CCDC175: variants seen among roughly 807,000 people sequenced by gnomAD.
The protein encoded by CCDC175 is coiled-coil domain containing 175.
A neutral mutation model predicts 114.6 loss-of-function variants in CCDC175; 100 were observed. That is an observed-to-expected ratio of 0.87 (90% confidence interval 0.74 to 1.03). The LOEUF (loss-of-function observed/expected upper bound fraction) is 1.03. Among genes scored for constraint, CCDC175 ranks in the 50% least tolerant of loss-of-function variants. CCDC175 has a pLI of 0.00. For missense variants in CCDC175, 880 were observed against 917.8 expected (o/e 0.96, Z 0.53); for synonymous variants, 306 against 308.7 (o/e 0.99, Z 0.09).
rs553117304 is a variant in CCDC175 at position 59,544,404 on chromosome 14, A to G, written c.1172+759T>C. Among the ~76,000 whole-genome samples the G allele has an allele frequency of 1.4e-4, 22 of 152,270 alleles. 1 individual carries two copies. In the South Asian group the frequency reaches 4.3e-3, roughly 30 times the overall value. On this transcript the variant is annotated intron_variant, in intron 9 of 19. Transcript: ENST00000537690. Reference sequence around the variant, plus strand: ...TTGTCTCAAATTGCAGGAGAAAATAATGAGGCTCAGAGAAGTTTATAGTCT... The same window carrying G: ...TTGTCTCAAATTGCAGGAGAAAATAGTGAGGCTCAGAGAAGTTTATAGTCT...
chr14:59,556,725 T>A (rs556939279), intron 7 of CCDC175, among the ~76,000 whole-genome samples: 17 of 152,136 alleles, frequency 1.1e-4, no homozygotes, highest in Non-Finnish European at 2.4e-4. Flanking sequence ...GACAAAGGGC[T>A]ATCTAATATC....
intron 15 of CCDC175, 96 bp downstream of exon 15, chr14:59,526,999 T>G: frequency 1.6e-6 from 1 of 637,752 alleles, no homozygotes; most frequent in Non-Finnish European, 2.5e-6. Flanking sequence ...CAAATGTGGA[T>G]TTCATGAAAA....
At chr14:59,548,201 A>G (rs1895230500) in intron 8 of CCDC175, among the ~76,000 whole-genome samples, 1 of 152,244 alleles carries the variant, frequency 6.6e-6, no homozygotes, top group Admixed American at 6.5e-5. Flanking sequence ...TCAGGTACAG[A>G]AAAACAAATA....
At chr14:59,540,808 C>T in intron 10 of CCDC175, 62 bp from the exon 11 acceptor site, 1 of 1,318,682 alleles carries the variant, frequency 7.6e-7, no homozygotes. Flanking sequence ...ACAATAGACT[C>T]TATACGCATA....
At chr14:59,505,463 G>A (rs911131470) in intron 19 of CCDC175, 148 bp from the exon 20 acceptor site, 10 of 415,384 alleles carry the variant, frequency 2.4e-5, no homozygotes, top group African/African-American at 2.0e-4. Context: ...GGTGTCATGT[G>A]TCTGATTACT....
chr14:59,563,020 A>G (rs11158263), intron 6 of CCDC175, among the ~76,000 whole-genome samples: 2 of 152,046 alleles, frequency 1.3e-5, no homozygotes, highest in South Asian at 4.2e-4. Flanking sequence ...ATAGGTTTGC[A>G]TGTGATTTTT....
chr14:59,546,313 A>G (rs1895105654), intron 8 of CCDC175, among the ~76,000 whole-genome samples: 1 of 152,194 alleles, frequency 6.6e-6, no homozygotes, highest in African/African-American at 2.4e-5. Flanking sequence ...TGGGACTCCA[A>G]AAAGATGGAG....
chr14:59,565,299 G>C, intron 4 of CCDC175, 24 bp from the exon 5 acceptor site: 1 of 1,517,650 alleles, frequency 6.6e-7, no homozygotes, highest in South Asian at 1.2e-5. Context: ...ATTGCTCACA[G>C]AGTGAGAAGC....
chr14:59,512,131 G>A (rs983665859), intron 17 of CCDC175, among the ~76,000 whole-genome samples: 6 of 152,200 alleles, frequency 3.9e-5, no homozygotes, highest in Non-Finnish European at 8.8e-5. Context: ...TGGCACAGCA[G>A]GGTGGTCTTA....
At chr14:59,532,736 C>T (rs567395510) in intron 13 of CCDC175, among the ~76,000 whole-genome samples, 2 of 152,304 alleles carry the variant, frequency 1.3e-5, no homozygotes, top group East Asian at 3.9e-4. Flanking sequence ...GGAAGCTACT[C>T]CTTGACGCAC....
chr14:59,525,160 T>G (rs1234766138), intron 16 of CCDC175, 122 bp downstream of exon 16: 17 of 717,542 alleles, frequency 2.4e-5, no homozygotes, highest in Non-Finnish European at 3.3e-5. Context: ...CACTTTTCTG[T>G]GTGTACTTTA....
chr14:59,508,541 G>T (rs1892571052), intron 19 of CCDC175, among the ~76,000 whole-genome samples: 1 of 122,364 alleles, frequency 8.2e-6, no homozygotes, highest in Non-Finnish European at 1.6e-5. Context: ...TCCAACCTGG[G>T]CAACAGGGTG....
chr14:59,558,271 A>C (rs1162999520), intron 7 of CCDC175, among the ~76,000 whole-genome samples: 1 of 152,168 alleles, frequency 6.6e-6, no homozygotes, highest in African/African-American at 2.4e-5. Flanking sequence ...TTCTGAAGGG[A>C]ACAGGGGAAG....
chr14:59,553,818 G>C (rs1413849534), intron 7 of CCDC175, among the ~76,000 whole-genome samples: 1 of 152,130 alleles, frequency 6.6e-6, no homozygotes, highest in African/African-American at 2.4e-5. Flanking sequence ...TGCAATCCTA[G>C]TCTCTCATAA....
At chr14:59,571,076 G>T (rs1896821283) in intron 3 of CCDC175, among the ~76,000 whole-genome samples, 2 of 144,718 alleles carry the variant, frequency 1.4e-5, no homozygotes, top group Non-Finnish European at 3.0e-5. Flanking sequence ...TCCTGGAGAA[G>T]AACTCAGCCA....
At chr14:59,542,538 C>T (rs758547166) in intron 10 of CCDC175, among the ~76,000 whole-genome samples, 12 of 151,906 alleles carry the variant, frequency 7.9e-5, no homozygotes, top group Non-Finnish European at 1.3e-4. Context: ...ATATAGGCAA[C>T]AGACAAAAGT....
intron 17 of CCDC175, among the ~76,000 whole-genome samples, chr14:59,518,918 C>G (rs540075138): frequency 6.6e-6 from 1 of 152,284 alleles, no homozygotes; most frequent in South Asian, 2.1e-4. Flanking sequence ...GGAACCAACC[C>G]AAATGTCCAA....
At chr14:59,515,421 C>CGGGT (rs1893016981) in intron 17 of CCDC175, among the ~76,000 whole-genome samples, 1 of 152,180 alleles carries the variant, frequency 6.6e-6, no homozygotes, top group African/African-American at 2.4e-5. Context: ...TCAGGAGACC[C>CGGGT]ATCTCACATG....
intron 8 of CCDC175, among the ~76,000 whole-genome samples, chr14:59,549,029 A>G (rs1344633282): frequency 6.6e-6 from 1 of 152,250 alleles, no homozygotes; most frequent in Non-Finnish European, 1.5e-5. Flanking sequence ...TGTGCTCTGC[A>G]ACAGGATTTC....
Sources: gnomAD v4.1 joint callset for allele counts (sites outside exome capture counted in the v4.1 genomes callset) on GRCh38, gnomAD v4.1.1 for gene constraint, MANE v1.5 for transcripts, NCBI Gene and HGNC (gene_info 2026-07-23, HGNC 2026-07-21) for gene names.